DHRSX: variants seen among roughly 807,000 people sequenced by gnomAD.
DHRSX encodes dehydrogenase/reductase X-linked.
DHRSX carries 31 observed loss-of-function variants against 34.0 expected under a neutral mutation model. The ratio of observed to expected loss-of-function variants is 0.91; its 90% CI spans 0.69 to 1.23. The LOEUF (loss-of-function observed/expected upper bound fraction) is 1.23. DHRSX is among the 50% of genes most tolerant of loss of function. DHRSX has a pLI of 0.00. For synonymous variants in DHRSX, 201 were observed against 183.8 expected (o/e 1.09, Z -0.76); for missense variants, 414 against 428.1 (o/e 0.97, Z 0.29).
At chrX:2,445,136 A>G (rs1048374793) in intron 1 of DHRSX, among the ~76,000 whole-genome samples, 1 of 152,150 alleles carries the variant, frequency 6.6e-6, no homozygotes, top group Non-Finnish European at 1.5e-5. Context: ...CAGCCTGGGC[A>G]ACAAGAGTGG....
chrX:2,396,013 G>A (rs1277427251), intron 3 of DHRSX, among the ~76,000 whole-genome samples: 1 of 152,036 alleles, frequency 6.6e-6, no homozygotes, highest in Non-Finnish European at 1.5e-5. Context: ...GGTGTCTCAG[G>A]ACCATGCTCC....
In DHRSX at chrX:2,361,094, A is replaced by G. The variant is rs776291044; in HGVS notation, c.286+47651T>C. ...AAAATGGAACATTTCAAGAGGAGAC[A>G]CTTTCCATACACATTATCATAAAAG... On this transcript the variant is annotated intron_variant, in intron 3 of 6. Transcript: ENST00000334651. Among the ~76,000 whole-genome samples the G allele has an allele frequency of 3.3e-5, 5 of 152,184 alleles. No individual in the cohort carries two copies. The East Asian group carries it at 9.7e-4, about 29-fold the overall frequency.
chrX:2,286,510 T>C (rs920265621), intron 4 of DHRSX, among the ~76,000 whole-genome samples: 7 of 152,166 alleles, frequency 4.6e-5, no homozygotes, highest in South Asian at 2.1e-4. Context: ...TCCAAGCCCA[T>C]GGGCTTCACG....
chrX:2,345,616 T>C (rs2042697707), intron 3 of DHRSX, among the ~76,000 whole-genome samples: 1 of 145,718 alleles, frequency 6.9e-6, no homozygotes. Context: ...CGAGATCGCA[T>C]CGTACCCCAG....
At chrX:2,226,581 G>A (rs1445650285) in intron 6 of DHRSX, among the ~76,000 whole-genome samples, 2 of 152,036 alleles carry the variant, frequency 1.3e-5, no homozygotes, top group African/African-American at 4.8e-5. Context: ...CAGGCGGATC[G>A]CGAGGTCAGG....
intron 1 of DHRSX, among the ~76,000 whole-genome samples, chrX:2,432,405 G>A (rs768873930): frequency 2.6e-5 from 4 of 152,002 alleles, no homozygotes; most frequent in South Asian, 4.2e-4. Flanking sequence ...CAAATGAGGC[G>A]GCAAAGAGGA....
intron 3 of DHRSX, among the ~76,000 whole-genome samples, chrX:2,329,534 A>G (rs1037220269): frequency 2.3e-4 from 35 of 152,270 alleles, no homozygotes; most frequent in Non-Finnish European, 4.6e-4. Flanking sequence ...AGGTGGGTAC[A>G]TCTATGCAAC....
intron 1 of DHRSX, among the ~76,000 whole-genome samples, chrX:2,432,453 C>T (rs1400021112): frequency 6.6e-6 from 1 of 151,984 alleles, no homozygotes; most frequent in Admixed American, 6.6e-5. Context: ...ACACAATGGC[C>T]CTGTAGGAGA....
intron 6 of DHRSX, among the ~76,000 whole-genome samples, chrX:2,235,257 G>A (rs1461714322): frequency 6.6e-6 from 1 of 152,108 alleles, no homozygotes; most frequent in Non-Finnish European, 1.5e-5. Context: ...ACAGAGGGTG[G>A]ATTGACGATG....
chrX:2,459,934 C>G (rs900717169), intron 1 of DHRSX, among the ~76,000 whole-genome samples: 2 of 151,936 alleles, frequency 1.3e-5, no homozygotes. Flanking sequence ...ATGCTGAAAC[C>G]CTGTCTCTAC....
intron 1 of DHRSX, among the ~76,000 whole-genome samples, chrX:2,471,816 T>C (rs68132186): frequency 0.19 from 28,689 of 149,310 alleles, 4,523 homozygotes; most frequent in African/African-American, 0.38. Flanking sequence ...CAAAGGGTGG[T>C]GCATATACAC....
chrX:2,491,623 A>C (rs1292797011), intron 1 of DHRSX, among the ~76,000 whole-genome samples: 2 of 152,154 alleles, frequency 1.3e-5, no homozygotes, highest in East Asian at 3.8e-4. Flanking sequence ...CCTATGGCTA[A>C]GAGGCACTGC....
At chrX:2,337,055 C>G (rs1287190241) in intron 3 of DHRSX, among the ~76,000 whole-genome samples, 1 of 152,044 alleles carries the variant, frequency 6.6e-6, no homozygotes, top group Non-Finnish European at 1.5e-5. Context: ...CCACCCACCT[C>G]GGCCTCCCAA....
At chrX:2,371,726 TC>T (rs1295267212) in intron 3 of DHRSX, among the ~76,000 whole-genome samples, 1 of 149,328 alleles carries the variant, frequency 6.7e-6, no homozygotes, top group Non-Finnish European at 1.5e-5. Context: ...CCCCTCCTCC[TC>T]CCATTATCAC....
rs367749902 is a variant in DHRSX, at chrX:2,247,578, C to G, written c.597-4348G>C. ...CTGAGGCAGGAGAATGGCGTGAACC[C>G]GGGAGGCGGAGCTTGCAGTGAGCCG... On this transcript the variant is annotated intron_variant, in intron 5 of 6. Coordinates refer to ENST00000334651, the MANE Select transcript of DHRSX (RefSeq NM_145177.3). Among the ~76,000 whole-genome samples, 47 of 148,560 alleles carry G rather than the reference C, an allele frequency of 3.2e-4. No individual in the cohort carries two copies. The South Asian group carries it at 8.1e-3, about 26-fold the overall frequency.
At chrX:2,291,444 G>A (rs1434076822) in intron 4 of DHRSX, 58 bp downstream of exon 4, 2 of 1,321,250 alleles carry the variant, frequency 1.5e-6, no homozygotes, top group Non-Finnish European at 2.2e-6. Context: ...ATGAAAGCTA[G>A]AGTTCCTGTT....
At chrX:2,354,278 G>A (rs1343563291) in intron 3 of DHRSX, among the ~76,000 whole-genome samples, 3 of 152,140 alleles carry the variant, frequency 2.0e-5, no homozygotes, top group African/African-American at 7.2e-5. Context: ...CTGTCCACTG[G>A]GGCCAAGTCA....
intron 3 of DHRSX, among the ~76,000 whole-genome samples, chrX:2,384,376 T>C (rs1310885600): frequency 6.6e-6 from 1 of 152,124 alleles, no homozygotes; most frequent in African/African-American, 2.4e-5. Context: ...AGCAGAGTTT[T>C]GGAGAACACG....
rs187640664 is a variant in DHRSX at position 2,300,131 on chromosome X, T to C, written c.287-8528A>G. Among the ~76,000 whole-genome samples the C allele has an allele frequency of 7.1e-4, 108 of 152,314 alleles. 1 individual carries two copies. The highest frequency in any genetic ancestry group is 2.5e-3 in the African/African-American group (105 of 41,568). ...CATTATGGAATGAACTGTACCTCCC[T>C]AAAAAATCCTTTTGTCTGAGGCTCT... On this transcript the variant is annotated intron_variant, in intron 3 of 6. Coordinates refer to ENST00000334651, the MANE Select transcript of DHRSX (RefSeq NM_145177.3).
Sources: allele counts gnomAD v4.1 joint callset (sites outside exome capture counted in the v4.1 genomes callset), GRCh38; gene constraint gnomAD v4.1.1; transcripts MANE v1.5; gene names NCBI Gene and HGNC (gene_info 2026-07-23, HGNC 2026-07-21).